The following ARHGAP21 variants were observed in gnomAD, a reference collection of about 807,000 sequenced individuals.
The protein encoded by ARHGAP21 is rho GTPase-activating protein 21.
In ARHGAP21, 38 loss-of-function variants were observed where a neutral mutation model predicts 164.6. The observed-to-expected ratio is 0.23, with a 90% CI of 0.18 to 0.30. The LOEUF (loss-of-function observed/expected upper bound fraction) is 0.30, where lower values mean the gene tolerates loss of function less well. Among genes scored for constraint, ARHGAP21 ranks in the 10% least tolerant of loss-of-function variants. The pLI is 1.00. For missense variants in ARHGAP21, 1,822 were observed against 2,370.7 expected (o/e 0.77, Z 4.81); for synonymous variants, 766 against 857.9 (o/e 0.89, Z 1.87).
At chr10:24,587,222 T>C (rs1401450072) in intron 25 of ARHGAP21, among the ~76,000 whole-genome samples, 3 of 152,106 alleles carry the variant, frequency 2.0e-5, no homozygotes, top group Non-Finnish European at 4.4e-5. Context: ...AGTCTCAAGC[T>C]ATCCTCCCAC....
intron 13 of ARHGAP21, 94 bp downstream of exon 13, chr10:24,601,884 C>G (rs1293593802): frequency 1.6e-6 from 2 of 1,279,276 alleles, no homozygotes; most frequent in East Asian, 5.6e-5. Flanking sequence ...ACTCTTTAAT[C>G]TGGATATCAT....
At chr10:24,687,003 A>G (rs1052202819) in intron 2 of ARHGAP21, among the ~76,000 whole-genome samples, 4 of 152,182 alleles carry the variant, frequency 2.6e-5, no homozygotes, top group African/African-American at 9.7e-5. Context: ...CCAGGAGAGC[A>G]AGGGCAACCT....
intron 4 of ARHGAP21, among the ~76,000 whole-genome samples, chr10:24,641,235 T>C (rs887474895): frequency 6.6e-6 from 1 of 152,204 alleles, no homozygotes; most frequent in Non-Finnish European, 1.5e-5. Context: ...ATATCCTATA[T>C]AAGTCATTAA....
At position 24,595,926 on chromosome 10, in the gene ARHGAP21, G is replaced by C. The variant is rs183558851; in HGVS notation, c.3595C>G (p.Leu1199Val). ...TCAATATCAGCCATTCCCTTGTTGAGTTCTTCTTGCATACTTGAGATGGCT... is the reference window on the plus strand; with the variant it reads ...TCAATATCAGCCATTCCCTTGTTGACTTCTTCTTGCATACTTGAGATGGCT... ...NAAISSMQEE[L>V]NKGMADIDIQ... Residue 1199 changes from leucine to valine, a missense_variant, in exon 18 of 26, where the codon CTC (leucine) becomes GTC (valine). Physicochemically the swap from Leu to Val is conservative, Grantham distance 32. This residue lies in a region of ARHGAP21 where 117 missense variants were observed against 238.1 expected (regional missense o/e 0.49). Transcript: ENST00000396432. The C allele has an allele frequency of 6.2e-6, 10 of 1,613,292 alleles. No homozygotes were observed. The highest frequency in any genetic ancestry group is 8.5e-6 in the Non-Finnish European group (10 of 1,179,700).
chr10:24,590,403 A>G, intron 24 of ARHGAP21: 2 of 1,535,412 alleles, frequency 1.3e-6, no homozygotes, highest in Admixed American at 2.0e-5. Context: ...CCTTCTTCCT[A>G]CAGTTCCAGC....
At chr10:24,705,278 T>G (rs1353811596) in intron 2 of ARHGAP21, among the ~76,000 whole-genome samples, 1 of 152,222 alleles carries the variant, frequency 6.6e-6, no homozygotes, top group Non-Finnish European at 1.5e-5. Context: ...CCAGTATCTA[T>G]CTTCTTTTAT....
Position 24,584,893 on chromosome 10 carries a change from C to T in ARHGAP21, c.5396G>A (p.Arg1799Gln), listed in dbSNP as rs553473186. 49 of 1,613,778 alleles carry T rather than the reference C, an allele frequency of 3.0e-5. No homozygotes were observed. Among genetic ancestry groups the T allele is most frequent in the South Asian group, 5.5e-5 (5 of 91,072 alleles). Residue 1799 changes from arginine (R) to glutamine (Q), a missense_variant, in exon 26 of 26, where the codon CGG becomes CAG. This residue lies in a region of ARHGAP21 where 117 missense variants were observed against 193.2 expected (regional missense o/e 0.61). Coordinates refer to ENST00000396432, the MANE Select transcript of ARHGAP21 (RefSeq NM_020824.4). The part of the protein sequence containing the change: ...NAETAKRKSI[R>Q]RRHTLGGHRD... Reference sequence around the variant, plus strand: ...GTGCCCTCCTAGTGTATGTCTGCGCCGGATGCTTTTCCTTTTAGCAGTCTC... The same window carrying T: ...GTGCCCTCCTAGTGTATGTCTGCGCTGGATGCTTTTCCTTTTAGCAGTCTC...
intron 4 of ARHGAP21, among the ~76,000 whole-genome samples, chr10:24,646,659 T>G (rs1010994115): frequency 6.6e-6 from 1 of 152,146 alleles, no homozygotes; most frequent in South Asian, 2.1e-4. Context: ...CTTGTAATCC[T>G]AGCACTTTGG....
rs1186102573 is a variant in ARHGAP21 at position 24,607,038 on chromosome 10, T to C, written c.2684+461A>G. ...TGGTTAAGTATATTATGGTATAAAC[T>C]ATTCAATGGAAAATTAAAAAATCAT... On this transcript the variant is annotated intron_variant, in intron 11 of 25. Coordinates refer to ENST00000396432, the MANE Select transcript of ARHGAP21 (RefSeq NM_020824.4). 2.0e-5 allele frequency among the ~76,000 whole-genome samples: 3 copies of C among 152,190 alleles called. No homozygotes were observed. The South Asian group carries it at 6.2e-4, about 31-fold the overall frequency.
At chr10:24,628,926 T>C (rs867539365) in intron 7 of ARHGAP21, 6 of 112,630 alleles carry the variant, frequency 5.3e-5, no homozygotes, top group African/African-American at 7.0e-5. Flanking sequence ...CACATATATA[T>C]ACATACATAT....
At chr10:24,678,652 G>A (rs575239338) in intron 2 of ARHGAP21, among the ~76,000 whole-genome samples, 86 of 152,060 alleles carry the variant, frequency 5.7e-4, no homozygotes, top group African/African-American at 1.8e-3. Context: ...GGCATGCACC[G>A]CCATCATGCC....
At chr10:24,611,050 G>A (rs1264225901) in intron 9 of ARHGAP21, among the ~76,000 whole-genome samples, 3 of 152,020 alleles carry the variant, frequency 2.0e-5, no homozygotes, top group East Asian at 1.9e-4. Context: ...GTTCCTCTTC[G>A]TGTTCCGCAA....
chr10:24,630,772 C>T (rs959841233), intron 6 of ARHGAP21, among the ~76,000 whole-genome samples: 2 of 152,152 alleles, frequency 1.3e-5, no homozygotes, highest in Admixed American at 6.5e-5. Flanking sequence ...GGATTACAGG[C>T]GTGAGCCACT....
At chr10:24,590,944 A>T in intron 24 of ARHGAP21, 2 of 894,628 alleles carry the variant, frequency 2.2e-6, no homozygotes, top group Non-Finnish European at 2.7e-6. Context: ...GTGAATTAAA[A>T]AAAAAAAAAA....
At chr10:24,692,023 C>A (rs1268661688) in intron 2 of ARHGAP21, among the ~76,000 whole-genome samples, 1 of 152,134 alleles carries the variant, frequency 6.6e-6, no homozygotes, top group Non-Finnish European at 1.5e-5. Flanking sequence ...CTCAGATCCA[C>A]CTGAAGAGAC....
At chr10:24,691,236 G>A (rs367951079) in intron 2 of ARHGAP21, among the ~76,000 whole-genome samples, 10 of 152,242 alleles carry the variant, frequency 6.6e-5, no homozygotes, top group Middle Eastern at 3.4e-3. Flanking sequence ...AACTTTAGGC[G>A]GAAACATCAG....
At chr10:24,597,653 G>A (rs2130858892) in intron 15 of ARHGAP21, 70 bp from the exon 16 acceptor site, 1 of 1,570,852 alleles carries the variant, frequency 6.4e-7, no homozygotes, top group Non-Finnish European at 8.6e-7. Context: ...AGTTACCCGT[G>A]GTGAGCCATG....
rs1379182195 is a variant in ARHGAP21, at chr10:24,643,475, T to C, written c.269-8372A>G. On this transcript the variant is annotated intron_variant, in intron 4 of 25. Coordinates refer to ENST00000396432, the MANE Select transcript of ARHGAP21 (RefSeq NM_020824.4). ...CTTTATCAAGACCTTCCATTCCCTTTAGCCTTCTCCATTCTTCTAAACTAT... is the reference window on the plus strand; with the variant it reads ...CTTTATCAAGACCTTCCATTCCCTTCAGCCTTCTCCATTCTTCTAAACTAT... Among the ~76,000 whole-genome samples the C allele has an allele frequency of 2.0e-5, 3 of 152,352 alleles. No homozygotes were observed. The East Asian group carries it at 5.8e-4, about 29-fold the overall frequency.
intron 19 of ARHGAP21, 25 bp from the exon 20 acceptor site, chr10:24,595,215 A>T (rs1385409673): frequency 6.3e-7 from 1 of 1,579,912 alleles, no homozygotes; most frequent in Non-Finnish European, 8.6e-7. Context: ...AATAAAACAA[A>T]TTTATCTTAA....
Sources: allele counts gnomAD v4.1 joint callset (sites outside exome capture counted in the v4.1 genomes callset), GRCh38; gene constraint gnomAD v4.1.1; regional missense constraint gnomAD v4.1.1; transcripts MANE v1.5; gene names NCBI Gene and HGNC (gene_info 2026-07-23, HGNC 2026-07-21).